The following DDX11 variants were observed in gnomAD, a reference collection of about 807,000 sequenced individuals.
DDX11 encodes DEAD/H-box helicase 11, also known as ATP-dependent DNA helicase DDX11.
Under a neutral mutation model 125.2 loss-of-function variants are expected in DDX11, and 72 were observed. The ratio of observed to expected loss-of-function variants is 0.58; its 90% CI spans 0.48 to 0.70. The LOEUF (loss-of-function observed/expected upper bound fraction) is 0.70, where lower values mean the gene tolerates loss of function less well. Among genes scored for constraint, DDX11 ranks in the 30% least tolerant of loss-of-function variants. DDX11 has a pLI of 0.00. For missense variants in DDX11, 883 were observed against 1,165.0 expected, an observed-to-expected ratio of 0.76 and a Z score of 3.52; for synonymous variants, 347 against 452.6, an observed-to-expected ratio of 0.77 and a Z score of 2.96.
rs1412847715 is a variant in DDX11 at position 31,100,542 on chromosome 12, G to A, written c.1876-93G>A. The A allele has an allele frequency of 5.3e-6, 6 of 1,127,334 alleles. No individual in the cohort carries two copies. The East Asian group carries it at 1.0e-4, about 20-fold the overall frequency. 69.8% of individuals were successfully genotyped at this position (1,127,334 alleles called of 1,614,324 possible). A position where few individuals can be genotyped will look rare whatever the true frequency, so the allele number is the denominator to read the frequency against. On this transcript the variant is annotated intron_variant, in intron 18 of 26. Transcript: ENST00000542838. The stretch of plus-strand genomic sequence containing the variant: ...TTTGACCTCTTCTTTCAGTTTGTGT[G>A]TACTTGCTGTCTCTTAGCCCAGACT...
At chr12:31,094,718 G>A (rs1259299831) in intron 13 of DDX11, 37 bp from the exon 14 acceptor site, 2 of 1,592,354 alleles carry the variant, frequency 1.3e-6, no homozygotes, top group South Asian at 1.1e-5. Flanking sequence ...GAGGCTTAGG[G>A]TGAAGCTCCC....
chr12:31,084,074 G>T lies in DDX11; in HGVS notation c.393+13G>T. 6.2e-7 allele frequency: 1 copy of T among 1,613,788 alleles called. No individual in the cohort carries two copies. Among genetic ancestry groups the T allele is most frequent in the Non-Finnish European group, 8.5e-7 (1 of 1,179,808 alleles). On this transcript the variant is annotated intron_variant, in intron 3 of 26. Transcript: ENST00000542838. Reference sequence around the variant, plus strand: ...GGACCGACTAAAGGTGAGACCTGGGGTATCCGGAAGTGGGAGTACTGGAGG... The same window carrying T: ...GGACCGACTAAAGGTGAGACCTGGGTTATCCGGAAGTGGGAGTACTGGAGG...
chr12:31,097,131 G>T, intron 17 of DDX11, 141 bp downstream of exon 17: 1 of 1,168,242 alleles, frequency 8.6e-7, no homozygotes, highest in South Asian at 1.4e-5. Context: ...GCACTGGCCT[G>T]CTGTGACCTG....
intron 20 of DDX11, 62 bp downstream of exon 20, chr12:31,101,192 G>A: frequency 6.9e-7 from 1 of 1,443,918 alleles, no homozygotes; most frequent in Non-Finnish European, 9.7e-7. Context: ...GTTTTCTGGG[G>A]CAGGGGCGCT....
intron 1 of DDX11, chr12:31,077,844 G>GAAA (rs368776702): frequency 9.8e-5 from 17 of 172,840 alleles, no homozygotes; most frequent in Non-Finnish European, 1.6e-4. Flanking sequence ...ACTCTGTCTC[G>GAAA]AAAAAAAAAA....
chr12:31,083,451 C>T (rs1187733881), intron 2 of DDX11, among the ~76,000 whole-genome samples: 2 of 152,156 alleles, frequency 1.3e-5, no homozygotes, highest in East Asian at 1.9e-4. Context: ...ATTTCTTGCT[C>T]AGCATTTTGG....
intron 1 of DDX11, among the ~76,000 whole-genome samples, chr12:31,075,574 C>T (rs1047525746): frequency 4.6e-5 from 7 of 151,926 alleles, no homozygotes; most frequent in African/African-American, 1.7e-4. Context: ...TATCTGAAAA[C>T]GGTTTGAAAC....
At chr12:31,079,933 A>G (rs973155240) in intron 2 of DDX11, among the ~76,000 whole-genome samples, 1 of 150,860 alleles carries the variant, frequency 6.6e-6, no homozygotes, top group Non-Finnish European at 1.5e-5. Flanking sequence ...TTTCCCTGTC[A>G]TTTGAATTAG....
At chr12:31,099,076 C>CTTTTTTT (rs1945864738) in intron 18 of DDX11, among the ~76,000 whole-genome samples, 4 of 60,550 alleles carry the variant, frequency 6.6e-5, no homozygotes, top group African/African-American at 7.9e-5. Context: ...GTATTTCTTT[C>CTTTTTTT]TTTCTTTCTT....
At chr12:31,089,798 G>A in intron 8 of DDX11, 88 bp from the exon 9 acceptor site, 1 of 1,553,696 alleles carries the variant, frequency 6.4e-7, no homozygotes, top group Non-Finnish European at 8.7e-7. Context: ...CCATGGAAGT[G>A]GGTCTCAACA....
chr12:31,096,288 T>G (rs1945207829), intron 14 of DDX11, 53 bp from the exon 15 acceptor site: 1 of 1,430,882 alleles, frequency 7.0e-7, no homozygotes, highest in Non-Finnish European at 9.7e-7. Context: ...GTTTTTAAGA[T>G]TATAGCTTGC....
chr12:31,094,485 C>T (rs1944863113), intron 12 of DDX11, 105 bp from the exon 13 acceptor site: 10 of 1,528,708 alleles, frequency 6.5e-6, no homozygotes, highest in African/African-American at 1.4e-5. Flanking sequence ...CATTTAAATA[C>T]AGATGCTCTT....
At chr12:31,083,520 C>T (rs961214119) in intron 2 of DDX11, among the ~76,000 whole-genome samples, 35 of 152,102 alleles carry the variant, frequency 2.3e-4, no homozygotes, top group African/African-American at 7.0e-4. Flanking sequence ...TAATTATGTG[C>T]GATATTTACA....
At chr12:31,074,391 A>T (rs1940395315) in intron 1 of DDX11, 1 of 152,174 alleles carries the variant, frequency 6.6e-6, no homozygotes, top group South Asian at 2.1e-4. Context: ...TGCTAACTTT[A>T]GCAAGGATAC....
rs770159791 is a variant in DDX11 at position 31,097,971 on chromosome 12, G to A, written c.1849G>A (p.Val617Ile). ...AGTGGTGAAGGAATGCCGGGCAGTG[G>A]TCATTGCGGGGGGTACCATGCAGCC... ...AQVVKECRAV[V>I]IAGGTMQPVS... The change falls in exon 18 of 27, where the codon GTC becomes ATC. Residue 617 changes from valine (V) to isoleucine (I), a missense_variant. Val to Ile is a conservative substitution (Grantham distance 29, BLOSUM62 3). Around this residue, in one of 5 missense-constraint regions of DDX11, gnomAD observed 241 missense variants for 279.7 expected, o/e 0.86. Transcript: ENST00000542838. The A allele has an allele frequency of 5.0e-6, 8 of 1,613,858 alleles. No homozygotes were observed. The East Asian group carries it at 1.8e-4, about 36-fold the overall frequency.
At chr12:31,076,043 C>T (rs1940659030) in intron 1 of DDX11, among the ~76,000 whole-genome samples, 1 of 152,140 alleles carries the variant, frequency 6.6e-6, no homozygotes, top group African/African-American at 2.4e-5. Context: ...GCAGCAAGTG[C>T]AAGGCCCGAG....
At position 31,092,906 on chromosome 12, in the gene DDX11, C is replaced by T; in HGVS notation, c.1289+14C>T. On this transcript the variant is annotated intron_variant, in intron 11 of 26. Coordinates refer to ENST00000542838, the MANE Select transcript of DDX11 (RefSeq NM_030653.4). ...GGAGCGATACGGGTGAGATGTGACC[C>T]TCTGAGGTAGTGGGACAGTCCCTTG... 6.2e-7 allele frequency: 1 copy of T among 1,613,988 alleles called. No individual in the cohort carries two copies. Among genetic ancestry groups the T allele is most frequent in the Non-Finnish European group, 8.5e-7 (1 of 1,179,846 alleles).
intron 12 of DDX11, chr12:31,094,374 C>T (rs1214929167): frequency 1.9e-5 from 12 of 643,666 alleles, no homozygotes; most frequent in Non-Finnish European, 3.0e-5. Flanking sequence ...GCTTTGGGTT[C>T]CACGTGCAAG....
At position 31,090,028 on chromosome 12, in the gene DDX11, G is replaced by C. The variant is rs747593918; in HGVS notation, c.1023G>C (p.Leu341=). ...LAEVKDMEQL[L]ALGKEARACP... ...AGGTGAAGGACATGGAGCAGCTGCT[G>C]GCCCTTGGGAAGGAGGCCCGGGCCT... Residue 341 remains leucine (L), a synonymous_variant, in exon 9 of 27, where the codon CTG becomes CTC. Transcript: ENST00000542838. 1 of 1,557,676 alleles carries C rather than the reference G, an allele frequency of 6.4e-7. No individual in the cohort carries two copies.
Sources: allele counts gnomAD v4.1 joint callset (sites outside exome capture counted in the v4.1 genomes callset), GRCh38; gene constraint gnomAD v4.1.1; regional missense constraint gnomAD v4.1.1; transcripts MANE v1.5; gene names NCBI Gene and HGNC (gene_info 2026-07-23, HGNC 2026-07-21).